ULK4: variants seen among roughly 807,000 people sequenced by gnomAD.
The protein encoded by ULK4 is unc-51 like kinase 4.
In ULK4, 133 loss-of-function variants were observed where a neutral mutation model predicts 160.6. That is an observed-to-expected ratio of 0.83 (90% CI 0.72 to 0.96). The LOEUF (loss-of-function observed/expected upper bound fraction) is 0.96, where lower values mean the gene tolerates loss of function less well. Among genes scored for constraint, ULK4 ranks in the 40% least tolerant of loss-of-function variants. ULK4 has a pLI of 0.00. For synonymous variants in ULK4, 534 were observed against 539.8 expected (o/e 0.99, Z 0.15); for missense variants, 1,580 against 1,499.5 (o/e 1.05, Z -0.89).
chr3:41,440,321 G>A (rs983308210), intron 34 of ULK4, among the ~76,000 whole-genome samples: 4 of 152,094 alleles, frequency 2.6e-5, no homozygotes. Flanking sequence ...TAAGTATAAT[G>A]CTAACTGTAG....
At chr3:41,844,470 G>A (rs921807801) in intron 17 of ULK4, among the ~76,000 whole-genome samples, 8 of 152,140 alleles carry the variant, frequency 5.3e-5, no homozygotes, top group Non-Finnish European at 1.0e-4. Flanking sequence ...TGCAGGGCGC[G>A]CCAAGCCCAT....
At chr3:41,608,636 T>G (rs1016365633) in intron 31 of ULK4, among the ~76,000 whole-genome samples, 4 of 152,204 alleles carry the variant, frequency 2.6e-5, no homozygotes, top group Non-Finnish European at 5.9e-5. Context: ...GATGGAGCAA[T>G]GCCTGATCAC....
At chr3:41,612,142 G>A (rs557987762) in intron 31 of ULK4, among the ~76,000 whole-genome samples, 1 of 152,324 alleles carries the variant, frequency 6.6e-6, no homozygotes, top group South Asian at 2.1e-4. Flanking sequence ...ACAGAAGGAT[G>A]TGCAAAGGAC....
At chr3:41,670,367 G>A (rs2035497293) in intron 29 of ULK4, among the ~76,000 whole-genome samples, 1 of 152,100 alleles carries the variant, frequency 6.6e-6, no homozygotes, top group Non-Finnish European at 1.5e-5. Context: ...TTTATAAAAT[G>A]AAATTGGGTA....
intron 32 of ULK4, among the ~76,000 whole-genome samples, chr3:41,492,066 A>AT (rs554935000): frequency 6.6e-6 from 1 of 151,780 alleles, no homozygotes; most frequent in Non-Finnish European, 1.5e-5. Flanking sequence ...TGAACTCATC[A>AT]TTTTTTATGG....
chr3:41,445,704 A>G (rs1415981084), intron 34 of ULK4, among the ~76,000 whole-genome samples: 7 of 152,164 alleles, frequency 4.6e-5, no homozygotes, highest in African/African-American at 9.7e-5. Flanking sequence ...CCTTCCTTAC[A>G]CCTTACACAA....
chr3:41,718,040 G>T (rs981428094), intron 22 of ULK4, among the ~76,000 whole-genome samples, 179 bp from the exon 23 acceptor site: 13 of 152,146 alleles, frequency 8.5e-5, no homozygotes, highest in African/African-American at 3.1e-4. Flanking sequence ...CATCTATAAA[G>T]AAAGAAAATA....
At chr3:41,565,961 C>T (rs2087766307) in intron 32 of ULK4, 64 bp downstream of exon 32, 5 of 1,273,872 alleles carry the variant, frequency 3.9e-6, no homozygotes, top group Non-Finnish European at 4.5e-6. Context: ...AGACTCCACG[C>T]TATATAAGAT....
chr3:41,671,184 A>C (rs2035525556), intron 29 of ULK4, among the ~76,000 whole-genome samples: 1 of 152,118 alleles, frequency 6.6e-6, no homozygotes, highest in Admixed American at 6.6e-5. Flanking sequence ...GATACAATGA[A>C]ATCTCTATGA....
At chr3:41,488,758 G>C (rs1030302341) in intron 32 of ULK4, among the ~76,000 whole-genome samples, 1 of 152,182 alleles carries the variant, frequency 6.6e-6, no homozygotes, top group Middle Eastern at 3.2e-3. Context: ...AAAGTTTCAA[G>C]TGTCTTAGCT....
At chr3:41,590,611 G>C (rs2031223844) in intron 31 of ULK4, among the ~76,000 whole-genome samples, 1 of 151,698 alleles carries the variant, frequency 6.6e-6, no homozygotes, top group South Asian at 2.1e-4. Flanking sequence ...ACTCCAGCCT[G>C]GGCAACAGAG....
intron 34 of ULK4, among the ~76,000 whole-genome samples, chr3:41,408,000 G>C (rs555232766): frequency 3.9e-5 from 6 of 152,238 alleles, no homozygotes; most frequent in African/African-American, 1.4e-4. Context: ...TGCAGGGTAT[G>C]AGATCGATAT....
chr3:41,378,856 C>T (rs2081580574), intron 35 of ULK4, among the ~76,000 whole-genome samples: 1 of 150,794 alleles, frequency 6.6e-6, no homozygotes, highest in South Asian at 2.1e-4. Context: ...ACATTTACAC[C>T]ATGGAATACT....
intron 31 of ULK4, among the ~76,000 whole-genome samples, chr3:41,589,416 C>A: frequency 9.6e-6 from 1 of 104,354 alleles, no homozygotes; most frequent in Admixed American, 1.1e-4. Context: ...GAAAAAACAC[C>A]ACAAAGGCCA....
intron 21 of ULK4, among the ~76,000 whole-genome samples, chr3:41,781,855 C>T (rs1316046394): frequency 6.6e-6 from 1 of 152,104 alleles, no homozygotes; most frequent in Admixed American, 6.6e-5. Context: ...AGGAGAATCA[C>T]TTGAACCCGG....
At chr3:41,932,881 T>A (rs1230848341) in intron 4 of ULK4, among the ~76,000 whole-genome samples, 1 of 151,910 alleles carries the variant, frequency 6.6e-6, no homozygotes, top group Non-Finnish European at 1.5e-5. Flanking sequence ...TTATCTCTAC[T>A]CAAAATACAA....
At chr3:41,585,938 C>A (rs979403474) in intron 31 of ULK4, among the ~76,000 whole-genome samples, 2 of 151,982 alleles carry the variant, frequency 1.3e-5, no homozygotes, top group African/African-American at 2.4e-5. Context: ...AAGAGAAATG[C>A]AAATCAAAAC....
intron 31 of ULK4, among the ~76,000 whole-genome samples, chr3:41,611,589 C>T (rs771802909): frequency 5.9e-5 from 9 of 152,058 alleles, no homozygotes; most frequent in East Asian, 1.9e-4. Context: ...CTCCCAGAAT[C>T]GAGTTTCCAC....
chr3:41,395,324 A>G (rs531105480), intron 35 of ULK4, among the ~76,000 whole-genome samples: 16 of 152,256 alleles, frequency 1.1e-4, no homozygotes, highest in Admixed American at 1.0e-3. Context: ...CCTAATAATA[A>G]CAGAGATAAG....
Sources: gnomAD v4.1 joint callset for allele counts (sites outside exome capture counted in the v4.1 genomes callset) on GRCh38, gnomAD v4.1.1 for gene constraint, MANE v1.5 for transcripts, NCBI Gene and HGNC (gene_info 2026-07-23, HGNC 2026-07-21) for gene names.